GRM7: variants seen among roughly 807,000 people sequenced by gnomAD.
The protein encoded by GRM7 is glutamate metabotropic receptor 7.
GRM7 carries 35 observed loss-of-function variants against 84.5 expected under a neutral mutation model. That is an observed-to-expected ratio of 0.41 (90% CI 0.32 to 0.55). GRM7 has a LOEUF of 0.55. Among genes scored for constraint, GRM7 ranks in the 20% least tolerant of loss-of-function variants. The probability of loss-of-function intolerance (pLI) is 0.19; values close to 1 mark genes in which losing one functional copy is unlikely to be tolerated. For synonymous variants in GRM7, 487 were observed against 455.1 expected (o/e 1.07, Z -0.89); for missense variants, 1,003 against 1,194.6 (o/e 0.84, Z 2.36).
chr3:7,246,682 A>G (rs996179265), intron 2 of GRM7, among the ~76,000 whole-genome samples: 6 of 152,118 alleles, frequency 3.9e-5, no homozygotes, highest in African/African-American at 1.4e-4. Flanking sequence ...CGAGACGTGA[A>G]TAGACCTAAG....
intron 1 of GRM7, among the ~76,000 whole-genome samples, chr3:6,954,169 A>C (rs577874011): frequency 6.6e-6 from 1 of 152,324 alleles, no homozygotes; most frequent in African/African-American, 2.4e-5. Context: ...TGTAATGATC[A>C]AGTCAGGATA....
rs1294128362 is a variant in GRM7, at chr3:7,578,511, A to G, written c.1605A>G (p.Thr535=). Residue 535 remains threonine (T), a synonymous_variant, in exon 8 of 10, where the codon ACA becomes ACG. Coordinates refer to ENST00000357716, the MANE Select transcript of GRM7 (RefSeq NM_000844.4). ...LPCKPGQRKK[T]QKGTPCCWTC... ...GTAAGCCAGGACAGAGAAAGAAGAC[A>G]CAGAAAGGAACTCCTTGCTGTTGGA... 1 of 1,614,010 alleles carries G rather than the reference A, an allele frequency of 6.2e-7. No individual in the cohort carries two copies. The highest frequency in any genetic ancestry group is 1.7e-5 in the Admixed American group (1 of 60,020).
At chr3:7,385,125 T>C (rs1372470580) in intron 4 of GRM7, among the ~76,000 whole-genome samples, 3 of 152,048 alleles carry the variant, frequency 2.0e-5, no homozygotes, top group Admixed American at 2.0e-4. Flanking sequence ...GATAAGCCTT[T>C]CTCATCAAAA....
chr3:7,225,350 C>A (rs1696948252), intron 2 of GRM7, among the ~76,000 whole-genome samples: 1 of 148,788 alleles, frequency 6.7e-6, no homozygotes, highest in African/African-American at 2.4e-5. Flanking sequence ...ATTATATATA[C>A]AATTTCTTAT....
intron 2 of GRM7, among the ~76,000 whole-genome samples, chr3:7,234,184 G>T (rs1697278789): frequency 6.6e-6 from 1 of 152,074 alleles, no homozygotes; most frequent in East Asian, 1.9e-4. Context: ...TTAATAAAAT[G>T]CTTAAAAAAT....
chr3:6,869,649 TAGAA>T (rs1180022722), intron 1 of GRM7, among the ~76,000 whole-genome samples: 3 of 130,678 alleles, frequency 2.3e-5, no homozygotes, highest in South Asian at 2.4e-4. Flanking sequence ...GTGAGACAGA[TAGAA>T]GGAGAGAGAG....
At chr3:7,735,329 T>C (rs937655267) in intron 9 of GRM7, among the ~76,000 whole-genome samples, 1 of 146,760 alleles carries the variant, frequency 6.8e-6, no homozygotes, top group African/African-American at 2.6e-5. Flanking sequence ...TTAAGAAATA[T>C]CCCCATGTAC....
At chr3:7,263,924 G>C (rs913402697) in intron 2 of GRM7, among the ~76,000 whole-genome samples, 1 of 152,130 alleles carries the variant, frequency 6.6e-6, no homozygotes, top group Non-Finnish European at 1.5e-5. Context: ...CCAGCAAAGT[G>C]ATGTGGGGGG....
chr3:6,898,366 G>A (rs569184456), intron 1 of GRM7, among the ~76,000 whole-genome samples: 1 of 144,848 alleles, frequency 6.9e-6, no homozygotes, highest in South Asian at 2.2e-4. Flanking sequence ...ACGAAAGAGT[G>A]TCATTCCAAA....
intron 1 of GRM7, among the ~76,000 whole-genome samples, chr3:6,913,237 A>G (rs1211516305): frequency 2.6e-5 from 4 of 152,258 alleles, no homozygotes; most frequent in South Asian, 4.1e-4. Flanking sequence ...TTCTGATATT[A>G]TTTTCATTGG....
intron 9 of GRM7, chr3:7,686,573 A>C: frequency 1.7e-6 from 1 of 595,262 alleles, no homozygotes; most frequent in Non-Finnish European, 3.1e-6. Context: ...TGAATTTTCA[A>C]AGATGATCGA....
At chr3:6,976,096 T>G (rs1187614401) in intron 1 of GRM7, among the ~76,000 whole-genome samples, 1 of 152,128 alleles carries the variant, frequency 6.6e-6, no homozygotes, top group Non-Finnish European at 1.5e-5. Flanking sequence ...TCCGGTTTAT[T>G]TACCCTCCCC....
chr3:7,025,051 C>T (rs944158233), intron 1 of GRM7, among the ~76,000 whole-genome samples: 3 of 152,260 alleles, frequency 2.0e-5, no homozygotes, highest in Middle Eastern at 3.4e-3. Flanking sequence ...AGAGACTGCT[C>T]CATTCCTTAG....
intron 5 of GRM7, among the ~76,000 whole-genome samples, chr3:7,450,414 A>G (rs1697717134): frequency 6.6e-6 from 1 of 151,884 alleles, no homozygotes; most frequent in Non-Finnish European, 1.5e-5. Context: ...CTTTGACAAA[A>G]CTCCTCCACT....
At chr3:7,332,411 A>G (rs1476413282) in intron 4 of GRM7, among the ~76,000 whole-genome samples, 1 of 152,210 alleles carries the variant, frequency 6.6e-6, no homozygotes, top group Non-Finnish European at 1.5e-5. Context: ...TTGTGTTGAG[A>G]AAGGCAATGA....
chr3:7,404,277 T>C (rs886423358), intron 4 of GRM7, among the ~76,000 whole-genome samples: 2 of 152,140 alleles, frequency 1.3e-5, no homozygotes, highest in Non-Finnish European at 2.9e-5. Flanking sequence ...AGGCATCAGG[T>C]CTTGGCAAGC....
At chr3:7,362,164 T>C (rs1252690629) in intron 4 of GRM7, among the ~76,000 whole-genome samples, 1 of 152,106 alleles carries the variant, frequency 6.6e-6, no homozygotes, top group African/African-American at 2.4e-5. Flanking sequence ...TTTATAATAG[T>C]CATTTTTTTA....
intron 7 of GRM7, among the ~76,000 whole-genome samples, chr3:7,469,871 G>C (rs1052710148): frequency 6.6e-6 from 1 of 152,262 alleles, no homozygotes; most frequent in Admixed American, 6.5e-5. Context: ...CAGTTAACTT[G>C]AGATGCGAGA....
At chr3:7,361,554 GT>G in intron 4 of GRM7, among the ~76,000 whole-genome samples, 1 of 152,116 alleles carries the variant, frequency 6.6e-6, no homozygotes, top group South Asian at 2.1e-4. Context: ...TGTTACTTGT[GT>G]TTTCCTGTGG....
Sources: gnomAD v4.1 joint callset for allele counts (sites outside exome capture counted in the v4.1 genomes callset) on GRCh38, gnomAD v4.1.1 for gene constraint, MANE v1.5 for transcripts, NCBI Gene and HGNC (gene_info 2026-07-23, HGNC 2026-07-21) for gene names.